SPSB4: variants seen among roughly 807,000 people sequenced by gnomAD.
The protein encoded by SPSB4 is SPRY domain-containing SOCS box protein 4.
SPSB4 carries 21 observed loss-of-function variants against 20.9 expected under a neutral mutation model. The ratio of observed to expected loss-of-function variants is 1.01; its 90% CI spans 0.71 to 1.45. The LOEUF is 1.45. SPSB4 is among the 40% of genes most tolerant of loss of function. The pLI is 0.00. For synonymous variants in SPSB4, 207 were observed against 183.8 expected, an observed-to-expected ratio of 1.13 and a Z score of -1.02; for missense variants, 399 against 399.2, an observed-to-expected ratio of 1.00 and a Z score of 0.00.
chr3:141,102,156 G>A (rs1315536656), intron 2 of SPSB4, among the ~76,000 whole-genome samples: 1 of 152,238 alleles, frequency 6.6e-6, no homozygotes, highest in Non-Finnish European at 1.5e-5. Flanking sequence ...TCGGAGTTAT[G>A]AGAGGGCTCG....
chr3:141,103,742 G>C (rs1938647746), intron 2 of SPSB4, among the ~76,000 whole-genome samples: 1 of 152,052 alleles, frequency 6.6e-6, no homozygotes, highest in South Asian at 2.1e-4. Flanking sequence ...AACTCTTAAA[G>C]TGCAGCTGTC....
At chr3:141,142,447 G>T (rs1051477718) in intron 2 of SPSB4, among the ~76,000 whole-genome samples, 1 of 152,184 alleles carries the variant, frequency 6.6e-6, no homozygotes, top group African/African-American at 2.4e-5. Flanking sequence ...ATTGAGACTT[G>T]TTTTGTGGCC....
At chr3:141,101,042 C>G (rs1938605570) in intron 2 of SPSB4, among the ~76,000 whole-genome samples, 1 of 152,188 alleles carries the variant, frequency 6.6e-6, no homozygotes, top group Admixed American at 6.5e-5. Context: ...GGGCTGGGTC[C>G]CCCTGACACC....
At chr3:141,139,369 C>A (rs1576544278) in intron 2 of SPSB4, among the ~76,000 whole-genome samples, 1 of 152,224 alleles carries the variant, frequency 6.6e-6, no homozygotes, top group African/African-American at 2.4e-5. Flanking sequence ...TGAATGTGAT[C>A]CTGCCATTAT....
At chr3:141,060,069 G>A (rs144745702) in intron 1 of SPSB4, among the ~76,000 whole-genome samples, 181 of 152,282 alleles carry the variant, frequency 1.2e-3, no homozygotes, top group Admixed American at 2.5e-3. Context: ...GAGCAGCAAA[G>A]GGGCTGTCTA....
intron 2 of SPSB4, among the ~76,000 whole-genome samples, chr3:141,140,758 G>C (rs1939312405): frequency 6.6e-6 from 1 of 152,228 alleles, no homozygotes; most frequent in African/African-American, 2.4e-5. Context: ...TTGTCTCCCA[G>C]TTAGGCTACT....
chr3:141,144,875 C>A (rs1385872996), intron 2 of SPSB4, among the ~76,000 whole-genome samples: 1 of 152,202 alleles, frequency 6.6e-6, no homozygotes, highest in Non-Finnish European at 1.5e-5. Context: ...ATAAGAAAAT[C>A]TCTTAAGGTC....
At chr3:141,058,283 C>T (rs1386594526) in intron 1 of SPSB4, among the ~76,000 whole-genome samples, 2 of 152,182 alleles carry the variant, frequency 1.3e-5, no homozygotes, top group Non-Finnish European at 2.9e-5. Context: ...TCCTCATTTC[C>T]CTGTCGGGTA....
chr3:141,113,656 G>T (rs1429676293), intron 2 of SPSB4, among the ~76,000 whole-genome samples: 1 of 152,160 alleles, frequency 6.6e-6, no homozygotes, highest in East Asian at 1.9e-4. Flanking sequence ...TGGTTTCCAG[G>T]GTCTGGGGAA....
chr3:141,119,474 C>T (rs1183935850), intron 2 of SPSB4, among the ~76,000 whole-genome samples: 4 of 152,152 alleles, frequency 2.6e-5, no homozygotes, highest in East Asian at 1.9e-4. Flanking sequence ...TAATTGAATA[C>T]CCTTTATTTC....
chr3:141,064,464 G>A (rs563773029), intron 1 of SPSB4, among the ~76,000 whole-genome samples: 1 of 152,324 alleles, frequency 6.6e-6, no homozygotes, highest in East Asian at 1.9e-4. Flanking sequence ...TCGGAATAGG[G>A]TCAACATCTG....
intron 2 of SPSB4, among the ~76,000 whole-genome samples, chr3:141,100,324 G>T (rs1459026892): frequency 1.3e-5 from 2 of 152,286 alleles, no homozygotes; most frequent in East Asian, 3.9e-4. Flanking sequence ...ATCAGGGTGG[G>T]CCTGAATCTG....
intron 2 of SPSB4, among the ~76,000 whole-genome samples, chr3:141,117,699 T>A (rs1173873485): frequency 2.6e-5 from 4 of 152,226 alleles, no homozygotes; most frequent in Non-Finnish European, 4.4e-5. Flanking sequence ...TTCCCTGCCC[T>A]GTGTCCATGT....
At chr3:141,057,595 T>C (rs902010433) in intron 1 of SPSB4, among the ~76,000 whole-genome samples, 3 of 152,154 alleles carry the variant, frequency 2.0e-5, no homozygotes, top group African/African-American at 7.2e-5. Flanking sequence ...GCTCCCAAGT[T>C]GCCCCAGTCC....
intron 2 of SPSB4, among the ~76,000 whole-genome samples, chr3:141,101,137 G>A (rs1025657549): frequency 6.6e-6 from 1 of 151,906 alleles, no homozygotes; most frequent in Non-Finnish European, 1.5e-5. Context: ...TGGACCTTCT[G>A]AGGCTGGCAG....
At chr3:141,063,596 C>G in intron 1 of SPSB4, among the ~76,000 whole-genome samples, 1 of 152,128 alleles carries the variant, frequency 6.6e-6, no homozygotes, top group Non-Finnish European at 1.5e-5. Flanking sequence ...CTGAAATAAT[C>G]AATCACAAAA....
chr3:141,078,471 C>T (rs1030562897), intron 2 of SPSB4, among the ~76,000 whole-genome samples: 3 of 152,114 alleles, frequency 2.0e-5, no homozygotes, highest in African/African-American at 4.8e-5. Context: ...TCCCAGGAAC[C>T]GGTTGGGGAG....
chr3:141,104,099 G>A (rs2107796115), intron 2 of SPSB4, among the ~76,000 whole-genome samples: 1 of 152,320 alleles, frequency 6.6e-6, no homozygotes, highest in Admixed American at 6.5e-5. Flanking sequence ...AAACTATAAA[G>A]CAGCCCCTAG....
chr3:141,084,175 C>A (rs145937090), intron 2 of SPSB4, among the ~76,000 whole-genome samples: 1 of 152,198 alleles, frequency 6.6e-6, no homozygotes, highest in Admixed American at 6.5e-5. Flanking sequence ...AGTAGGCACA[C>A]GATAAATACT....
Sources: gnomAD v4.1 joint callset for allele counts (sites outside exome capture counted in the v4.1 genomes callset) on GRCh38, gnomAD v4.1.1 for gene constraint, MANE v1.5 for transcripts, NCBI Gene and HGNC (gene_info 2026-07-23, HGNC 2026-07-21) for gene names.